Variants in APBA2 observed in about 807,000 individuals in gnomAD.
APBA2 encodes amyloid beta precursor protein binding family A member 2, also known as amyloid-beta A4 precursor protein-binding family A member 2.
A neutral mutation model predicts 75.0 loss-of-function variants in APBA2; 30 were observed. The observed-to-expected ratio is 0.40, with a 90% CI of 0.30 to 0.54. APBA2 has a LOEUF of 0.54. Ranked by LOEUF, APBA2 falls within the 20% of genes least tolerant of loss-of-function variation. The pLI is 0.49. For missense variants in APBA2, 801 were observed against 1,016.1 expected (o/e 0.79, Z 2.88); for synonymous variants, 444 against 409.6 (o/e 1.08, Z -1.01).
chr15:28,969,128 T>TTCTCTTTC (rs755972827), intron 2 of APBA2, among the ~76,000 whole-genome samples: 6 of 137,142 alleles, frequency 4.4e-5, no homozygotes, highest in Non-Finnish European at 8.1e-5. Context: ...TTTCATTTCT[T>TTCTCTTTC]TTTCTTTCTT....
At chr15:28,915,225 C>CCA (rs1311301605) in intron 1 of APBA2, among the ~76,000 whole-genome samples, 117 of 18,958 alleles carry the variant, frequency 6.2e-3, no homozygotes, top group East Asian at 0.013. Context: ...ACACCACATA[C>CCA]CACACATACC....
Position 29,054,048 on chromosome 15 carries a change from G to C in APBA2, c.164G>C (p.Ser55Thr), listed in dbSNP as rs142678624. 1.2e-6 allele frequency: 2 copies of C among 1,613,828 alleles called. No individual in the cohort carries two copies. The highest frequency in any genetic ancestry group is 1.1e-5 in the South Asian group (1 of 91,068). The change falls in exon 4 of 15, where the codon AGC (serine) becomes ACC (threonine). Residue 55 changes from serine to threonine, a missense_variant. Ser to Thr is a moderately conservative substitution (Grantham distance 58). This residue lies in a region of APBA2 where 434 missense variants were observed against 471.6 expected (regional missense o/e 0.92). Transcript: ENST00000683413. This position sits in a 1 kb window ranked among gnomAD's most constrained non-coding sequence, Gnocchi z 6.1. Reference protein sequence around the residue: ...GLELAALRPESPAPEEQECHN... With the variant: ...GLELAALRPETPAPEEQECHN... ...GAGCTGGCTGCCCTGCGGCCAGAGA[G>C]CCCCGCGCCAGAGGAACAGGAGTGC... is the stretch of plus-strand genomic sequence containing the variant.
At chr15:29,011,920 G>A (rs958701144) in intron 3 of APBA2, among the ~76,000 whole-genome samples, 1 of 151,982 alleles carries the variant, frequency 6.6e-6, no homozygotes, top group Non-Finnish European at 1.5e-5. Context: ...TAAGAATGCT[G>A]CTTTTCGTAA....
intron 2 of APBA2, among the ~76,000 whole-genome samples, chr15:28,983,562 T>A (rs2037737204): frequency 1.3e-5 from 2 of 152,210 alleles, no homozygotes; most frequent in South Asian, 4.1e-4. Context: ...TGTGGCATGC[T>A]GAAGCTCCCA....
rs1451376868 is a variant in APBA2 at position 29,108,395 on chromosome 15, T to A, written c.2037+6T>A. ...TCAGCGTGCAGAATGGAATTGTGAG[T>A]TCCCCCTCCTGCTCTGGGCCACCAC... On this transcript the variant is annotated splice_donor_region_variant and intron_variant, in intron 13 of 14. Transcript: ENST00000683413. 2 of 1,613,914 alleles carry A rather than the reference T, an allele frequency of 1.2e-6. No homozygotes were observed. The highest frequency in any genetic ancestry group is 1.3e-5 in the African/African-American group (1 of 75,042).
At chr15:29,105,669 C>G in intron 11 of APBA2, 111 bp downstream of exon 11, 2 of 1,232,720 alleles carry the variant, frequency 1.6e-6, no homozygotes, top group South Asian at 1.3e-5. Context: ...GCCTTCCTAT[C>G]AGACTCCAGT....
intron 6 of APBA2, among the ~76,000 whole-genome samples, chr15:29,089,376 A>G (rs1175523909): frequency 1.3e-5 from 2 of 152,310 alleles, no homozygotes; most frequent in East Asian, 3.9e-4. Context: ...TGTGTTGGGC[A>G]TGAGGGCTGC....
intron 6 of APBA2, among the ~76,000 whole-genome samples, chr15:29,081,331 G>C (rs2043075630): frequency 1.3e-5 from 2 of 152,204 alleles, no homozygotes; most frequent in African/African-American, 2.4e-5. Flanking sequence ...CCAAAGAGGA[G>C]TTATGGAAAC....
chr15:28,918,153 G>A lies in APBA2; in HGVS notation c.-204-3487G>A, dbSNP rs2033773896. 6.6e-6 allele frequency among the ~76,000 whole-genome samples: 1 copy of A among 152,228 alleles called. No individual in the cohort carries two copies. Among genetic ancestry groups the A allele is most frequent in the Non-Finnish European group, 1.5e-5 (1 of 68,040 alleles). ...GAAGGCCTGCAGGCTGAGGTGGTCT[G>A]CTTTGAGTTTTGCAGCGTTGCCTGC... On this transcript the variant is annotated intron_variant, in intron 1 of 14. Transcript: ENST00000683413. This position sits in a 1 kb window ranked among gnomAD's most constrained non-coding sequence, Gnocchi z 4.2.
At chr15:29,111,074 G>A (rs943205946) in intron 13 of APBA2, among the ~76,000 whole-genome samples, 1 of 152,150 alleles carries the variant, frequency 6.6e-6, no homozygotes, top group African/African-American at 2.4e-5. Context: ...TGCGGGGCCT[G>A]CAGTGAGGAA....
intron 6 of APBA2, among the ~76,000 whole-genome samples, chr15:29,077,261 A>T (rs2042891135): frequency 6.6e-6 from 1 of 152,090 alleles, no homozygotes; most frequent in African/African-American, 2.4e-5. Flanking sequence ...GTAGTGTTTG[A>T]TTGGGTTCCT....
chr15:29,035,329 T>C (rs373645097), intron 3 of APBA2, among the ~76,000 whole-genome samples: 2 of 152,234 alleles, frequency 1.3e-5, no homozygotes, highest in South Asian at 2.1e-4. Flanking sequence ...TCTTAAAAAA[T>C]AGATTCAGGA....
At chr15:28,941,266 G>T (rs1439668875) in intron 2 of APBA2, among the ~76,000 whole-genome samples, 1 of 152,140 alleles carries the variant, frequency 6.6e-6, no homozygotes, top group Non-Finnish European at 1.5e-5. Flanking sequence ...GCTGGGCGCT[G>T]GTGGCCCTGG....
intron 14 of APBA2, among the ~76,000 whole-genome samples, chr15:29,116,560 A>G (rs1290123605): frequency 1.3e-5 from 2 of 150,860 alleles, no homozygotes; most frequent in East Asian, 2.0e-4. Context: ...CCCGGGGGGC[A>G]GAGCTTGCAG....
At chr15:29,115,683 C>T (rs1031657527) in intron 14 of APBA2, among the ~76,000 whole-genome samples, 41 of 152,272 alleles carry the variant, frequency 2.7e-4, no homozygotes, top group African/African-American at 2.4e-5. Context: ...ACAAGGCTTG[C>T]AGTTGCGAGG....
rs76542345 is a variant in APBA2, at chr15:29,080,587, G to C, written c.1069+4496G>C. 4.1e-3 allele frequency among the ~76,000 whole-genome samples: 622 copies of C among 152,232 alleles called. 14 individuals are homozygous for C. The East Asian group carries it at 0.08, about 20-fold the overall frequency. On this transcript the variant is annotated intron_variant, in intron 6 of 14. Coordinates refer to ENST00000683413, the MANE Select transcript of APBA2 (RefSeq NM_001353788.2). Reference sequence around the variant, plus strand: ...AGAGAAAACCTCCTTATGAAAGTGCGGATTGCACAGAGGATGCACTGCCTG... The same window carrying C: ...AGAGAAAACCTCCTTATGAAAGTGCCGATTGCACAGAGGATGCACTGCCTG...
At chr15:29,116,308 T>C (rs73372304) in intron 14 of APBA2, among the ~76,000 whole-genome samples, 7,672 of 152,094 alleles carry the variant, frequency 0.05, 556 homozygotes, top group African/African-American at 0.16. Context: ...CCCAGCACAC[T>C]TTCCTGGCCC....
intron 2 of APBA2, among the ~76,000 whole-genome samples, chr15:28,951,881 CTTTTTTTTTT>C (rs71414600): frequency 4.2e-4 from 46 of 109,822 alleles, no homozygotes; most frequent in Non-Finnish European, 5.6e-4. Context: ...TGCACTCAGC[CTTTTTTTTTT>C]TTTTTTTTTT....
At chr15:29,106,532 C>T in intron 11 of APBA2, 75 bp from the exon 12 acceptor site, 2 of 1,521,040 alleles carry the variant, frequency 1.3e-6, no homozygotes, top group Non-Finnish European at 1.8e-6. Flanking sequence ...GGGTCAGCCT[C>T]ATCCTCCTGT....
Sources: allele counts gnomAD v4.1 joint callset (sites outside exome capture counted in the v4.1 genomes callset), GRCh38; gene constraint gnomAD v4.1.1; regional missense constraint gnomAD v4.1.1; non-coding constraint Gnocchi (gnomAD v3.1); transcripts MANE v1.5; gene names NCBI Gene and HGNC (gene_info 2026-07-23, HGNC 2026-07-21).